PCDHA12: variants seen among roughly 807,000 people sequenced by gnomAD.
PCDHA12 encodes protocadherin alpha 12.
In PCDHA12, 44 loss-of-function variants were observed where a neutral mutation model predicts 60.0. The ratio of observed to expected loss-of-function variants is 0.73; its 90% CI spans 0.58 to 0.94. PCDHA12 has a LOEUF of 0.94. Among genes scored for constraint, PCDHA12 ranks in the 40% least tolerant of loss-of-function variants. The pLI is 0.00. For synonymous variants in PCDHA12, 569 were observed against 553.0 expected (o/e 1.03, Z -0.40); for missense variants, 1,276 against 1,239.7 (o/e 1.03, Z -0.44).
At chr5:140,932,287 T>C (rs1259585245) in intron 1 of PCDHA12, among the ~76,000 whole-genome samples, 2 of 151,896 alleles carry the variant, frequency 1.3e-5, no homozygotes, top group Admixed American at 6.6e-5. Context: ...AAAAACTGCA[T>C]TGACAATTTT....
chr5:140,945,000 G>A (rs980802301), intron 1 of PCDHA12, among the ~76,000 whole-genome samples: 3 of 151,862 alleles, frequency 2.0e-5, no homozygotes, highest in African/African-American at 7.3e-5. Context: ...AACGGTTGTG[G>A]GTCATGAATT....
chr5:140,934,001 T>A (rs2089559391), intron 1 of PCDHA12, among the ~76,000 whole-genome samples: 1 of 152,066 alleles, frequency 6.6e-6, no homozygotes, highest in Admixed American at 6.6e-5. Context: ...TCACCTCTCA[T>A]TTTTCTTGAC....
rs782411315 is a variant in PCDHA12, at chr5:140,883,596, T to G, written c.2367+5757T>G. ...CTGTGGGCCACGGCCAGCGTGTCGG[T>G]GGGGGTGGCCGACGTGAACGACAAC... On this transcript the variant is annotated intron_variant, in intron 1 of 3. Coordinates refer to ENST00000398631, the MANE Select transcript of PCDHA12 (RefSeq NM_018903.4). 1.0e-4 allele frequency: 167 copies of G among 1,613,676 alleles called. No homozygotes were observed. The highest frequency in any genetic ancestry group is 1.6e-4 in the Middle Eastern group (1 of 6,072).
intron 1 of PCDHA12, among the ~76,000 whole-genome samples, chr5:140,894,788 T>C (rs1217718306): frequency 2.0e-5 from 3 of 152,160 alleles, no homozygotes; most frequent in Admixed American, 1.3e-4. Flanking sequence ...TTATTTGTCC[T>C]CTCCTTTAAA....
intron 1 of PCDHA12, among the ~76,000 whole-genome samples, chr5:140,888,721 G>A (rs1176739860): frequency 6.6e-6 from 1 of 151,970 alleles, no homozygotes; most frequent in Non-Finnish European, 1.5e-5. Flanking sequence ...AATATTTCCA[G>A]CCCTTTGTGA....
At chr5:141,001,985 GAAGTTC>G in intron 3 of PCDHA12, among the ~76,000 whole-genome samples, 1 of 152,312 alleles carries the variant, frequency 6.6e-6, no homozygotes, top group Admixed American at 6.5e-5. Context: ...GGAAAGCCTG[GAAGTTC>G]ACTTGCAAAC....
intron 1 of PCDHA12, chr5:140,927,190 G>A (rs1554204161): frequency 6.2e-7 from 1 of 1,614,156 alleles, no homozygotes; most frequent in South Asian, 1.1e-5. Context: ...CTACGACCTG[G>A]TGCTCGAGGA....
chr5:140,965,316 T>C (rs1411473254), intron 1 of PCDHA12, among the ~76,000 whole-genome samples: 2 of 152,200 alleles, frequency 1.3e-5, no homozygotes, highest in Admixed American at 6.5e-5. Context: ...CCTTCTCTTT[T>C]ACTGAAGTGA....
intron 1 of PCDHA12, chr5:140,882,766 G>C (rs782330844): frequency 6.2e-7 from 1 of 1,614,184 alleles, no homozygotes; most frequent in Non-Finnish European, 8.5e-7. Context: ...GAGTAAACTC[G>C]GCATTGACCT....
intron 1 of PCDHA12, chr5:140,969,483 G>C (rs531496681): frequency 1.4e-6 from 2 of 1,462,372 alleles, no homozygotes; most frequent in African/African-American, 1.4e-5. Context: ...ATCATAATCT[G>C]CTATTTCCTC....
Position 140,968,026 on chromosome 5 carries a change from A to G in PCDHA12, c.2368-10923A>G, listed in dbSNP as rs570318168. 9.3e-6 allele frequency: 15 copies of G among 1,614,066 alleles called. No individual in the cohort carries two copies. In the Admixed American group the frequency reaches 1.8e-4, roughly 20 times the overall value. On this transcript the variant is annotated intron_variant, in intron 1 of 3. Transcript: ENST00000398631. ...TGAATGGCTTTGGAAACTCCTATACACTGGTGGTGAGCGGCCCACTGGACC... is the reference window on the plus strand; with the variant it reads ...TGAATGGCTTTGGAAACTCCTATACGCTGGTGGTGAGCGGCCCACTGGACC...
At chr5:140,968,877 T>A in intron 1 of PCDHA12, 1 of 1,614,226 alleles carries the variant, frequency 6.2e-7, no homozygotes, top group South Asian at 1.1e-5. Flanking sequence ...TACTCTGAAA[T>A]TACCCTTTAT....
At chr5:140,930,832 T>A (rs1375434055) in intron 1 of PCDHA12, among the ~76,000 whole-genome samples, 1 of 152,226 alleles carries the variant, frequency 6.6e-6, no homozygotes, top group East Asian at 1.9e-4. Flanking sequence ...GCTGACTGAA[T>A]GAATAAATAT....
intron 1 of PCDHA12, chr5:140,969,137 T>A (rs1326685727): frequency 6.2e-7 from 1 of 1,614,036 alleles, no homozygotes. Flanking sequence ...CACCAAGACC[T>A]ACTGCTACAA....
chr5:140,886,087 A>G (rs944362157), intron 1 of PCDHA12, among the ~76,000 whole-genome samples: 2 of 152,324 alleles, frequency 1.3e-5, no homozygotes, highest in Admixed American at 6.5e-5. Flanking sequence ...CAACCTGGAT[A>G]TTGACATTGA....
intron 1 of PCDHA12, chr5:140,968,479 C>T (rs2096250195): frequency 1.2e-6 from 2 of 1,614,010 alleles, no homozygotes; most frequent in South Asian, 2.2e-5. Flanking sequence ...ATGTGGTGGA[C>T]ATGAATGACC....
intron 1 of PCDHA12, among the ~76,000 whole-genome samples, chr5:140,901,955 G>A (rs2069015305): frequency 6.6e-6 from 1 of 151,848 alleles, no homozygotes; most frequent in Admixed American, 6.6e-5. Flanking sequence ...TTTTATTCGT[G>A]GCTATCGTAA....
At chr5:140,962,786 A>G (rs1377248587) in intron 1 of PCDHA12, among the ~76,000 whole-genome samples, 6 of 152,216 alleles carry the variant, frequency 3.9e-5, no homozygotes, top group African/African-American at 1.4e-4. Context: ...ATTTTTAAAA[A>G]CTACTTTGGA....
At chr5:140,977,379 C>T (rs921133722) in intron 1 of PCDHA12, among the ~76,000 whole-genome samples, 4 of 152,134 alleles carry the variant, frequency 2.6e-5, no homozygotes, top group African/African-American at 2.4e-5. Flanking sequence ...AGTCATATTT[C>T]CAGGTTTATA....
Sources: gnomAD v4.1 joint callset for allele counts (sites outside exome capture counted in the v4.1 genomes callset) on GRCh38, gnomAD v4.1.1 for gene constraint, MANE v1.5 for transcripts, NCBI Gene and HGNC (gene_info 2026-07-23, HGNC 2026-07-21) for gene names.